The following MRE11 variants were observed in gnomAD, a reference collection of about 807,000 sequenced individuals.
MRE11 encodes double-strand break repair protein MRE11.
In MRE11, 62 loss-of-function variants were observed where a neutral mutation model predicts 91.7. That is an observed-to-expected ratio of 0.68 (90% CI 0.55 to 0.84). The LOEUF (loss-of-function observed/expected upper bound fraction) is 0.84, where lower values mean the gene tolerates loss of function less well. Ranked by LOEUF, MRE11 falls within the 40% of genes least tolerant of loss-of-function variation. The pLI, the probability that MRE11 is intolerant of heterozygous loss-of-function variation, is 0.00. For synonymous variants in MRE11, 273 were observed against 271.4 expected, an observed-to-expected ratio of 1.01 and a Z score of -0.06; for missense variants, 796 against 852.9, an observed-to-expected ratio of 0.93 and a Z score of 0.83.
In MRE11 at chr11:94,431,752, T is replaced by G. The variant is rs536159020; in HGVS notation, c.1995-1766A>C. 5.9e-5 allele frequency among the ~76,000 whole-genome samples: 9 copies of G among 152,330 alleles called. No homozygotes were observed. In the East Asian group the frequency reaches 1.7e-3, roughly 29 times the overall value. ...AGTTGTGAGCACCACGCAAGCTAAT[T>G]CACATGTAAAATGCTCAGAGAAGTG... On this transcript the variant is annotated intron_variant, in intron 18 of 19. Coordinates refer to ENST00000323929, the MANE Select transcript of MRE11 (RefSeq NM_005591.4).
chr11:94,420,092 T>C lies in MRE11; in HGVS notation c.*33A>G. ...GCTTGTAACATTTTCATTTTTCCTG[T>C]ATCTTGCATGTTTCTCAGTGCCATT... On this transcript the variant is annotated 3_prime_UTR_variant, in exon 20 of 20. Transcript: ENST00000323929. The C allele has an allele frequency of 2.0e-6, 3 of 1,493,512 alleles. No individual in the cohort carries two copies. The highest frequency in any genetic ancestry group is 1.9e-6 in the Non-Finnish European group (2 of 1,076,592). The allele number at this position is 1,493,512 out of a possible 1,614,324, so 92.5% of individuals were successfully genotyped here. A position where few individuals can be genotyped will look rare whatever the true frequency, so the allele number is the denominator to read the frequency against.
chr11:94,473,197 T>C (rs1260557525), intron 7 of MRE11: 2 of 152,110 alleles, frequency 1.3e-5, no homozygotes, highest in South Asian at 2.1e-4. Context: ...AGACAGAATA[T>C]ACAGGCTTGT....
At chr11:94,421,157 C>G (rs1444928931) in intron 19 of MRE11, among the ~76,000 whole-genome samples, 1 of 151,924 alleles carries the variant, frequency 6.6e-6, no homozygotes, top group Non-Finnish European at 1.5e-5. Flanking sequence ...TCAGATAAGC[C>G]CAATTATATA....
intron 14 of MRE11, among the ~76,000 whole-genome samples, chr11:94,449,206 A>G (rs948724843): frequency 2.6e-5 from 4 of 152,214 alleles, no homozygotes; most frequent in African/African-American, 9.6e-5. Context: ...TGAAGTGGCA[A>G]CTTCATGATG....
rs991005498 is a variant in MRE11, at chr11:94,416,377, A to G, written c.*3748T>C. On this transcript the variant is annotated 3_prime_UTR_variant, in exon 20 of 20. Transcript: ENST00000323929. ...AGCTGGTTCTTTAGATCAAACTAAA[A>G]TTCTAGTATTTTCTGACCAAACTAA... 2.6e-5 allele frequency: 4 copies of G among 152,214 alleles called. No individual in the cohort carries two copies. Among genetic ancestry groups the G allele is most frequent in the African/African-American group, 9.7e-5 (4 of 41,450 alleles). 9.4% of individuals were successfully genotyped at this position (152,214 alleles called of 1,614,324 possible).
At chr11:94,466,516 T>TA (rs1261556260) in intron 10 of MRE11, 1 of 531,002 alleles carries the variant, frequency 1.9e-6, no homozygotes, top group Admixed American at 1.9e-5. Context: ...GGTGCACAAG[T>TA]AACTGCAGTT....
At chr11:94,486,297 C>T (rs1947141361) in intron 3 of MRE11, among the ~76,000 whole-genome samples, 1 of 152,178 alleles carries the variant, frequency 6.6e-6, no homozygotes. Context: ...AAGCCATCTT[C>T]CAATTACACC....
At chr11:94,426,506 GA>G (rs1565200103) in intron 19 of MRE11, among the ~76,000 whole-genome samples, 2 of 149,382 alleles carry the variant, frequency 1.3e-5, no homozygotes, top group African/African-American at 5.1e-5. Flanking sequence ...GGAGGAACTA[GA>G]AATAAAAGAA....
At chr11:94,420,560 G>GA (rs1554996797) in intron 19 of MRE11, among the ~76,000 whole-genome samples, 1 of 151,978 alleles carries the variant, frequency 6.6e-6, no homozygotes, top group Non-Finnish European at 1.5e-5. Flanking sequence ...AATTCACAGC[G>GA]AAAAAATAAT....
intron 14 of MRE11, among the ~76,000 whole-genome samples, chr11:94,449,029 T>C (rs924771807): frequency 1.3e-5 from 2 of 152,162 alleles, no homozygotes; most frequent in African/African-American, 2.4e-5. Context: ...CCAAAACTGA[T>C]GTATAAATCC....
chr11:94,504,068 C>T, the MRE11 span, among the ~76,000 whole-genome samples: 2 of 152,062 alleles, frequency 1.3e-5, no homozygotes, highest in Non-Finnish European at 2.9e-5. Context: ...AGGCAGAAAG[C>T]AGTTCAGTGG....
At chr11:94,476,784 G>C (rs1210410585) in intron 6 of MRE11, among the ~76,000 whole-genome samples, 1 of 151,948 alleles carries the variant, frequency 6.6e-6, no homozygotes, top group African/African-American at 2.4e-5. Flanking sequence ...GCAGTGGTGT[G>C]ATCTCAGCTC....
chr11:94,511,472 T>C, the MRE11 span, among the ~76,000 whole-genome samples: 1 of 152,144 alleles, frequency 6.6e-6, no homozygotes, highest in African/African-American at 2.4e-5. Context: ...TAAACAAATA[T>C]TACTCTAGCC....
chr11:94,427,281 A>G (rs1335349793), intron 19 of MRE11, among the ~76,000 whole-genome samples: 4 of 152,236 alleles, frequency 2.6e-5, no homozygotes, highest in African/African-American at 4.8e-5. Context: ...AAGCAGAATT[A>G]AAAACAAAAA....
In MRE11 at chr11:94,464,133, C is replaced by G. The variant is rs778211645; in HGVS notation, c.1205G>C (p.Arg402Thr). 18 of 1,613,506 alleles carry G rather than the reference C, an allele frequency of 1.1e-5. No individual in the cohort carries two copies. The highest frequency in any genetic ancestry group is 1.4e-5 in the Non-Finnish European group (16 of 1,179,866). The change falls in exon 11 of 20, where the codon AGA becomes ACA. Residue 402 changes from arginine to threonine, a missense_variant. Coordinates refer to ENST00000323929, the MANE Select transcript of MRE11 (RefSeq NM_005591.4). ...PKDIIHFFRH[R>T]EQKEKTGEEI... ...CTTACCTGTTTTTTCCTTTTGTTCT[C>G]TATGCCTGAAAAAATGGATAATGTC...
chr11:94,454,933 C>T lies in MRE11; in HGVS notation c.1563+1343G>A, dbSNP rs561926681. ...GCAAACTATTTCTATTTTAAATGCACCTTATAAGATAAATAGAAATATAAT... is the reference window on the plus strand; with the variant it reads ...GCAAACTATTTCTATTTTAAATGCATCTTATAAGATAAATAGAAATATAAT... On this transcript the variant is annotated intron_variant, in intron 14 of 19. Transcript: ENST00000323929. Among the ~76,000 whole-genome samples the T allele has an allele frequency of 1.7e-3, 252 of 152,186 alleles. 2 individuals are homozygous for T. Among genetic ancestry groups the T allele is most frequent in the Non-Finnish European group, 2.7e-3 (185 of 67,986 alleles).
chr11:94,428,085 G>A (rs1945371784), intron 19 of MRE11, among the ~76,000 whole-genome samples: 1 of 151,980 alleles, frequency 6.6e-6, no homozygotes, highest in African/African-American at 2.4e-5. Context: ...AATAGACAAA[G>A]CAACCCTAAG....
intron 14 of MRE11, among the ~76,000 whole-genome samples, chr11:94,452,918 C>A (rs1946149293): frequency 6.6e-6 from 1 of 151,958 alleles, no homozygotes; most frequent in Non-Finnish European, 1.5e-5. Context: ...TGCAATCATC[C>A]CCCCATCCAT....
intron 19 of MRE11, among the ~76,000 whole-genome samples, 155 bp from the exon 20 acceptor site, chr11:94,420,336 T>C (rs1222989652): frequency 1.3e-5 from 2 of 152,210 alleles, no homozygotes; most frequent in Non-Finnish European, 2.9e-5. Context: ...ATATATTAAG[T>C]ACAATTAAAT....
Sources: gnomAD v4.1 joint callset for allele counts (sites outside exome capture counted in the v4.1 genomes callset) on GRCh38, gnomAD v4.1.1 for gene constraint, MANE v1.5 for transcripts, NCBI Gene and HGNC (gene_info 2026-07-23, HGNC 2026-07-21) for gene names.